Variants in AOAH observed in about 807,000 individuals in gnomAD.
The protein encoded by AOAH is acyloxyacyl hydrolase (neutrophil).
A neutral mutation model predicts 92.2 loss-of-function variants in AOAH; 64 were observed. The observed-to-expected ratio is 0.69, with a 90% CI of 0.57 to 0.86. AOAH has a LOEUF of 0.86. Ranked by LOEUF, AOAH falls within the 40% of genes least tolerant of loss-of-function variation. AOAH has a pLI of 0.00. For synonymous variants in AOAH, 263 were observed against 254.5 expected, an observed-to-expected ratio of 1.03 and a Z score of -0.32; for missense variants, 656 against 694.6, an observed-to-expected ratio of 0.94 and a Z score of 0.62.
chr7:36,604,536 C>T (rs1051980637), intron 11 of AOAH, among the ~76,000 whole-genome samples: 3 of 152,316 alleles, frequency 2.0e-5, no homozygotes, highest in East Asian at 1.9e-4. Context: ...GGCCATATGA[C>T]TAAGCTCTGG....
chr7:36,550,831 C>T (rs761528922), intron 13 of AOAH, among the ~76,000 whole-genome samples: 19 of 152,084 alleles, frequency 1.2e-4, no homozygotes, highest in Admixed American at 5.9e-4. Flanking sequence ...TTACCGGAGA[C>T]CCAGGTATGT....
intron 1 of AOAH, among the ~76,000 whole-genome samples, chr7:36,704,913 T>C (rs1391779967): frequency 6.6e-6 from 1 of 152,142 alleles, no homozygotes; most frequent in Non-Finnish European, 1.5e-5. Flanking sequence ...TCTCAAAAGA[T>C]ACAGAAAAGG....
rs57475443 is a variant in AOAH, at chr7:36,587,271, C to CAAA, written c.938+7065_938+7067dup. The stretch of plus-strand genomic sequence containing the variant: ...TGGGCAATAGAGAGAGACTCCGTCT[C>CAAA]AAAAAAAAAAAAAAAAAAAAAGAAA... On this transcript the variant is annotated intron_variant, in intron 12 of 20. Coordinates refer to ENST00000617537, the MANE Select transcript of AOAH (RefSeq NM_001637.4). Among the ~76,000 whole-genome samples, 145 of 84,710 alleles carry CAAA rather than the reference C, an allele frequency of 1.7e-3. 1 individual carries two copies. The highest frequency in any genetic ancestry group is 2.3e-3 in the Non-Finnish European group (98 of 41,832). 55.6% of individuals were successfully genotyped at this position (84,710 alleles called of 152,430 possible).
intron 12 of AOAH, among the ~76,000 whole-genome samples, chr7:36,583,008 C>A (rs907893043): frequency 3.3e-5 from 5 of 152,114 alleles, no homozygotes; most frequent in Non-Finnish European, 7.3e-5. Context: ...CCATGCCCAG[C>A]TAATTTTTGT....
intron 11 of AOAH, 110 bp downstream of exon 11, chr7:36,616,269 TA>T: frequency 1.2e-6 from 1 of 855,758 alleles, no homozygotes. Context: ...CAGATTTTGC[TA>T]AAGAGGGAAA....
At chr7:36,660,456 T>C (rs1295163135) in intron 3 of AOAH, among the ~76,000 whole-genome samples, 1 of 152,164 alleles carries the variant, frequency 6.6e-6, no homozygotes, top group Non-Finnish European at 1.5e-5. Flanking sequence ...GCTGGGATTA[T>C]AGGCACCCAC....
At chr7:36,545,748 A>G (rs1450954361) in intron 15 of AOAH, among the ~76,000 whole-genome samples, 1 of 152,246 alleles carries the variant, frequency 6.6e-6, no homozygotes, top group Non-Finnish European at 1.5e-5. Context: ...TTATGGGGCT[A>G]GTGCTAGATG....
chr7:36,623,222 C>T lies in AOAH; in HGVS notation c.550G>A (p.Asp184Asn). The T allele has an allele frequency of 1.2e-6, 2 of 1,614,108 alleles. No homozygotes were observed. The highest frequency in any genetic ancestry group is 1.7e-6 in the Non-Finnish European group (2 of 1,180,002). Residue 184 changes from aspartate to asparagine, a missense_variant, in exon 7 of 21, where the codon GAT becomes AAT. Transcript: ENST00000617537. ...ACGCTGTATTTGTCTGAATCCACAT[C>T]TTTGAATGGCACAGACTGTTCCATA... Reference protein sequence around the residue: ...LAMEQSVPFKDVDSDKYSVFP... With the variant: ...LAMEQSVPFKNVDSDKYSVFP...
Position 36,513,300 on chromosome 7 carries a change from C to G in AOAH, c.1680G>C (p.Pro560=). The G allele has an allele frequency of 1.9e-6, 3 of 1,614,150 alleles. No individual in the cohort carries two copies. Among genetic ancestry groups the G allele is most frequent in the Non-Finnish European group, 2.5e-6 (3 of 1,180,028 alleles). ...QWPQILGKEN[P]FNPQIKQVFG... is the part of the protein sequence containing the mutation. ...ACACCTGTTTAATCTGGGGGTTGAA[C>G]GGATTCTCCTTTCCCAGGATTTGGG... Residue 560 remains proline (P), a synonymous_variant, in exon 21 of 21, where the codon CCG becomes CCC. Coordinates refer to ENST00000617537, the MANE Select transcript of AOAH (RefSeq NM_001637.4).
chr7:36,540,434 C>T lies in AOAH; in HGVS notation c.1191G>A (p.Met397Ile). ...TTPEKLYSNV[M>I]QTLKHLNSHL... ...GGGAATTTAGATGCTTCAGAGTCTG[C>T]ATGACGTTGGAGTAGAGTTTCTCAG... The change falls in exon 16 of 21, where the codon ATG becomes ATA. Residue 397 changes from methionine to isoleucine, a missense_variant. Met to Ile is a conservative substitution (Grantham distance 10, BLOSUM62 1). Transcript: ENST00000617537. 2 of 1,613,918 alleles carry T rather than the reference C, an allele frequency of 1.2e-6. No individual in the cohort carries two copies. The highest frequency in any genetic ancestry group is 1.3e-5 in the African/African-American group (1 of 75,028).
chr7:36,588,471 T>G (rs569679198), intron 12 of AOAH, among the ~76,000 whole-genome samples: 1 of 152,380 alleles, frequency 6.6e-6, no homozygotes, highest in East Asian at 1.9e-4. Context: ...TTATTTGTTT[T>G]GCAAAGTATA....
At chr7:36,616,544 TAA>T in intron 10 of AOAH, 70 bp from the exon 11 acceptor site, 1 of 1,203,992 alleles carries the variant, frequency 8.3e-7, no homozygotes, top group South Asian at 1.3e-5. Flanking sequence ...TGGGTAGATA[TAA>T]GAGCGGATAC....
rs780154493 is a variant in AOAH at position 36,576,537 on chromosome 7, G to C, written c.1021+37C>G. The C allele has an allele frequency of 1.1e-5, 13 of 1,224,624 alleles. No homozygotes were observed. In the South Asian group the frequency reaches 1.2e-4, roughly 12 times the overall value. The allele number at this position is 1,224,624 out of a possible 1,614,324, so 75.9% of individuals were successfully genotyped here. A position where few individuals can be genotyped will look rare whatever the true frequency, so the allele number is the denominator to read the frequency against. On this transcript the variant is annotated intron_variant, in intron 13 of 20. Coordinates refer to ENST00000617537, the MANE Select transcript of AOAH (RefSeq NM_001637.4). ...TTATGAAATAAACTCAATCATTACA[G>C]GAACATTGATGAAGGCTTAAATGGA...
chr7:36,714,982 ATC>A (rs1053193302), intron 1 of AOAH, among the ~76,000 whole-genome samples: 2 of 152,158 alleles, frequency 1.3e-5, no homozygotes, highest in Non-Finnish European at 2.9e-5. Context: ...GGCCAGCGCA[ATC>A]AGGCAGGAGA....
At chr7:36,707,531 C>A (rs1798500042) in intron 1 of AOAH, among the ~76,000 whole-genome samples, 1 of 152,034 alleles carries the variant, frequency 6.6e-6, no homozygotes, top group Non-Finnish European at 1.5e-5. Context: ...CATAGGGTTG[C>A]CATAAACCTC....
rs1198003508 is a variant in AOAH, at chr7:36,632,772, A to G, written c.451-666T>C. ...CATTTATCAATGAAGGGAGAGAGAC[A>G]CTGGATTCCTGCCAGCCCTGAGTCC... On this transcript the variant is annotated intron_variant, in intron 5 of 20. Transcript: ENST00000617537. 2.6e-5 allele frequency among the ~76,000 whole-genome samples: 4 copies of G among 152,274 alleles called. No homozygotes were observed. In the East Asian group the frequency reaches 7.7e-4, roughly 29 times the overall value.
intron 13 of AOAH, among the ~76,000 whole-genome samples, chr7:36,557,737 A>G (rs1305254743): frequency 3.9e-5 from 6 of 151,952 alleles, no homozygotes; most frequent in Admixed American, 2.0e-4. Flanking sequence ...CATTCATTTC[A>G]TCTTCCATCG....
chr7:36,525,673 A>C (rs1329970556), intron 19 of AOAH, among the ~76,000 whole-genome samples: 5 of 152,222 alleles, frequency 3.3e-5, no homozygotes, highest in Non-Finnish European at 5.9e-5. Flanking sequence ...CTGAAAGGAA[A>C]TGCTTACTGG....
At chr7:36,597,103 G>GGAA (rs1196722913) in intron 11 of AOAH, among the ~76,000 whole-genome samples, 1 of 152,114 alleles carries the variant, frequency 6.6e-6, no homozygotes, top group African/African-American at 2.4e-5. Flanking sequence ...GGTAGGGGCT[G>GGAA]GAAGAGGGAG....
Sources: allele counts gnomAD v4.1 joint callset (sites outside exome capture counted in the v4.1 genomes callset), GRCh38; gene constraint gnomAD v4.1.1; transcripts MANE v1.5; gene names NCBI Gene and HGNC (gene_info 2026-07-23, HGNC 2026-07-21).